ZNF674: variants seen among roughly 807,000 people sequenced by gnomAD.
The protein encoded by ZNF674 is zinc finger protein 674.
A neutral mutation model predicts 7.0 loss-of-function variants in ZNF674; 2 were observed. That is an observed-to-expected ratio of 0.29 (90% CI 0.12 to 0.90). The LOEUF is 0.90. Ranked by LOEUF, ZNF674 falls within the 40% of genes least tolerant of loss-of-function variation. The pLI is 0.57. For synonymous variants in ZNF674, 103 were observed against 145.2 expected (o/e 0.71, Z 2.09); for missense variants, 297 against 415.5 (o/e 0.71, Z 2.48).
chrX:46,532,429 C>A (rs1179746272), intron 3 of ZNF674, among the ~76,000 whole-genome samples: 1 of 111,764 alleles, frequency 8.9e-6, no homozygotes, highest in African/African-American at 3.3e-5. Flanking sequence ...ATGAGCAATT[C>A]ATTGTGTCAC....
Position 46,538,618 on chromosome X carries a change from A to C in ZNF674, c.15+3455T>G, listed in dbSNP as rs545047686. Among the ~76,000 whole-genome samples the C allele has an allele frequency of 3.0e-4, 34 of 111,958 alleles. 1 individual carries two copies. In the South Asian group the frequency reaches 0.012, roughly 39 times the overall value. ...AAAAAAAATGAAAAGAAGACTGGGC[A>C]CAGTGGCTCACACCTGTAATCTCAC... is the stretch of plus-strand genomic sequence containing the variant. On this transcript the variant is annotated intron_variant, in intron 3 of 5. Coordinates refer to ENST00000683375, the MANE Select transcript of ZNF674 (RefSeq NM_001190417.2).
intron 5 of ZNF674, among the ~76,000 whole-genome samples, chrX:46,515,858 A>C (rs1941754738): frequency 9.1e-6 from 1 of 110,379 alleles, no homozygotes; most frequent in Admixed American, 9.8e-5. Context: ...AATCCCCCCC[A>C]CCTCAGCCTC....
rs1941377608 is a variant in ZNF674, at chrX:46,499,792, T to C, written c.*51A>G. The C allele has an allele frequency of 8.5e-6, 8 of 939,221 alleles. No homozygotes were observed. The South Asian group carries it at 2.3e-4, about 27-fold the overall frequency. The allele number at this position is 939,221 out of a possible 1,213,427, so 77.4% of individuals were successfully genotyped here. A position where few individuals can be genotyped will look rare whatever the true frequency, so the allele number is the denominator to read the frequency against. Reference sequence around the variant, plus strand: ...ATTTGACAAATAATGAGACTAGTAATAGTCAAATGACAAATAACTACTAGT... The same window carrying C: ...ATTTGACAAATAATGAGACTAGTAACAGTCAAATGACAAATAACTACTAGT... On this transcript the variant is annotated 3_prime_UTR_variant, in exon 6 of 6. Coordinates refer to ENST00000683375, the MANE Select transcript of ZNF674 (RefSeq NM_001190417.2).
chrX:46,502,413 T>C (rs1453280031), intron 5 of ZNF674, among the ~76,000 whole-genome samples: 2 of 110,669 alleles, frequency 1.8e-5, no homozygotes, highest in Non-Finnish European at 3.8e-5. Context: ...GAACTGTAGA[T>C]AATAGAACAA....
rs1366206842 is a variant in ZNF674 at position 46,500,664 on chromosome X, C to G, written c.910G>C (p.Val304Leu). ...QRTHTGEKPF[V>L]CDKCPKAFKS... ...AAGGCTTTTGGACATTTGTCACATA[C>G]AAATGGTTTCTCTCCTGTATGAGTT... The change falls in exon 6 of 6, where the codon GTA becomes CTA. Residue 304 changes from valine to leucine, a missense_variant. Transcript: ENST00000683375. The G allele has an allele frequency of 8.3e-7, 1 of 1,211,585 alleles. No homozygotes were observed.
At chrX:46,536,690 G>A (rs965379465) in intron 3 of ZNF674, among the ~76,000 whole-genome samples, 1 of 110,377 alleles carries the variant, frequency 9.1e-6, no homozygotes, top group African/African-American at 3.3e-5. Flanking sequence ...CCAGGAGGCT[G>A]AGGTTGCAGT....
At chrX:46,538,200 T>G (rs1274859829) in intron 3 of ZNF674, among the ~76,000 whole-genome samples, 3 of 112,290 alleles carry the variant, frequency 2.7e-5, no homozygotes, top group Non-Finnish European at 5.6e-5. Context: ...AGAATTCACT[T>G]TTATATGATA....
chrX:46,542,217 T>C, intron 2 of ZNF674, 101 bp from the exon 3 acceptor site: 1 of 448,562 alleles, frequency 2.2e-6, no homozygotes. Context: ...GGAAGAATCA[T>C]CTAAAAATAA....
chrX:46,513,958 T>C (rs1941712131), intron 5 of ZNF674, among the ~76,000 whole-genome samples: 1 of 110,800 alleles, frequency 9.0e-6, no homozygotes, highest in South Asian at 3.9e-4. Flanking sequence ...TCAGCTATTC[T>C]GAAGGCTGAG....
intron 3 of ZNF674, among the ~76,000 whole-genome samples, chrX:46,532,920 C>G (rs952809108): frequency 2.7e-5 from 3 of 111,578 alleles, no homozygotes; most frequent in African/African-American, 9.8e-5. Context: ...TGTATTGGGC[C>G]GCATTCAAAG....
At chrX:46,505,560 C>G (rs990766278) in intron 5 of ZNF674, among the ~76,000 whole-genome samples, 9 of 111,544 alleles carry the variant, frequency 8.1e-5, no homozygotes, top group Non-Finnish European at 1.7e-4. Flanking sequence ...CACCTGAGGT[C>G]AGGAGTTCAG....
At chrX:46,529,214 G>A (rs1942064276) in intron 3 of ZNF674, 3 of 352,280 alleles carry the variant, frequency 8.5e-6, no homozygotes, top group African/African-American at 2.6e-5. Flanking sequence ...TAGTCAGTTT[G>A]GCATAGCATA....
rs1480649803 is a variant in ZNF674 at position 46,508,013 on chromosome X, T to C, written c.239-6678A>G. Reference sequence around the variant, plus strand: ...CTTTACAGTTTCACCACATTTATTTTATTCTTTAAACCTCAGGCATGACCT... The same window carrying C: ...CTTTACAGTTTCACCACATTTATTTCATTCTTTAAACCTCAGGCATGACCT... On this transcript the variant is annotated intron_variant, in intron 5 of 5. Transcript: ENST00000683375. Among the ~76,000 whole-genome samples, 4 of 109,922 alleles carry C rather than the reference T, an allele frequency of 3.6e-5. No individual in the cohort carries two copies. The East Asian group carries it at 1.1e-3, about 31-fold the overall frequency.
intron 5 of ZNF674, chrX:46,517,732 A>C (rs971201751): frequency 1.8e-5 from 2 of 112,115 alleles, no homozygotes; most frequent in African/African-American, 6.5e-5. Flanking sequence ...CATCCAGCAA[A>C]AACACCCTTC....
chrX:46,514,159 T>C (rs1941716296), intron 5 of ZNF674, among the ~76,000 whole-genome samples: 1 of 111,705 alleles, frequency 9.0e-6, no homozygotes, highest in Non-Finnish European at 1.9e-5. Flanking sequence ...ATTGGAAAGC[T>C]GCGGCATTTT....
intron 5 of ZNF674, 78 bp downstream of exon 5, chrX:46,528,272 A>G (rs1286146541): frequency 1.0e-6 from 1 of 991,769 alleles, no homozygotes; most frequent in Non-Finnish European, 1.4e-6. Context: ...AGAGCTCCTG[A>G]GCACATCCCA....
intron 3 of ZNF674, among the ~76,000 whole-genome samples, chrX:46,531,904 C>A (rs1462788134): frequency 8.9e-6 from 1 of 111,795 alleles, no homozygotes; most frequent in African/African-American, 3.2e-5. Flanking sequence ...CGGTGGCTCA[C>A]GCCTGTGATC....
intron 3 of ZNF674, among the ~76,000 whole-genome samples, chrX:46,536,426 C>T (rs758280934): frequency 1.8e-5 from 2 of 110,758 alleles, no homozygotes; most frequent in East Asian, 5.7e-4. Context: ...CCTGTCTCTA[C>T]TAAGAATACA....
rs550653540 is a variant in ZNF674, at chrX:46,527,239, G to A, written c.238+1111C>T. ...GATTGCACCACTGCACTCCAGCCTG[G>A]GCAACAGAGCAAGACTCCATCTCAA... is the stretch of plus-strand genomic sequence containing the variant. On this transcript the variant is annotated intron_variant, in intron 5 of 5. Transcript: ENST00000683375. 1.7e-4 allele frequency among the ~76,000 whole-genome samples: 18 copies of A among 107,501 alleles called. No homozygotes were observed. In the South Asian group the frequency reaches 7.0e-3, roughly 42 times the overall value. 93.4% of individuals were successfully genotyped at this position (107,501 alleles called of 115,157 possible). A position where few individuals can be genotyped will look rare whatever the true frequency, so the allele number is the denominator to read the frequency against.
Sources: allele counts gnomAD v4.1 joint callset (sites outside exome capture counted in the v4.1 genomes callset), GRCh38; gene constraint gnomAD v4.1.1; transcripts MANE v1.5; gene names NCBI Gene and HGNC (gene_info 2026-07-23, HGNC 2026-07-21).